The following NCOR2 variants were observed in gnomAD, a reference collection of about 807,000 sequenced individuals.
NCOR2 encodes the protein CTG repeat protein 26.
A neutral mutation model predicts 262.9 loss-of-function variants in NCOR2; 81 were observed. The observed-to-expected ratio is 0.31, with a 90% confidence interval of 0.26 to 0.37. The LOEUF (loss-of-function observed/expected upper bound fraction) is 0.37. Ranked by LOEUF, NCOR2 falls within the 10% of genes least tolerant of loss-of-function variation. The pLI, the probability that NCOR2 is intolerant of heterozygous loss-of-function variation, is 1.00. For missense variants in NCOR2, 3,385 were observed against 3,621.4 expected, an observed-to-expected ratio of 0.93 and a Z score of 1.68; for synonymous variants, 1,659 against 1,559.3, an observed-to-expected ratio of 1.06 and a Z score of -1.51.
At chr12:124,433,490 C>G (rs951394805) in intron 8 of NCOR2, among the ~76,000 whole-genome samples, 11 of 152,216 alleles carry the variant, frequency 7.2e-5, no homozygotes, top group Non-Finnish European at 1.2e-4. Flanking sequence ...GGCAAGACGG[C>G]CCGGCTCTAG....
chr12:124,523,955 T>C lies in NCOR2; in HGVS notation c.-118+11610A>G, dbSNP rs528381004. 6.6e-6 allele frequency among the ~76,000 whole-genome samples: 1 copy of C among 152,288 alleles called. No individual in the cohort carries two copies. Among genetic ancestry groups the C allele is most frequent in the African/African-American group, 2.4e-5 (1 of 41,560 alleles). On this transcript the variant is annotated intron_variant, in intron 1 of 46. Transcript: ENST00000404621. This position sits in a 1 kb window ranked among gnomAD's most constrained non-coding sequence, Gnocchi z 4.0. The stretch of plus-strand genomic sequence containing the variant: ...AGAATGTCAGGCCCCACTGGAGACA[T>C]GGTATTGTTCTCTGAGAAACTGCTG...
intron 4 of NCOR2, among the ~76,000 whole-genome samples, chr12:124,471,457 C>G (rs2046830308): frequency 6.6e-6 from 1 of 152,226 alleles, no homozygotes; most frequent in Admixed American, 6.5e-5. Context: ...CCATGCTGCT[C>G]AGAACACAGC....
At chr12:124,487,377 G>A (rs1298246044) in intron 1 of NCOR2, among the ~76,000 whole-genome samples, 1 of 152,246 alleles carries the variant, frequency 6.6e-6, no homozygotes, top group Non-Finnish European at 1.5e-5. Context: ...ACAGCCAGAA[G>A]GGTAAGCCTT....
intron 1 of NCOR2, among the ~76,000 whole-genome samples, chr12:124,516,397 G>C (rs894580207): frequency 2.6e-5 from 4 of 152,194 alleles, no homozygotes; most frequent in African/African-American, 9.7e-5. Flanking sequence ...GGAGACCTGG[G>C]GATCCCAAAC....
chr12:124,398,229 C>T (rs1213725978), intron 15 of NCOR2, 48 bp from the exon 18 acceptor site: 2 of 1,598,234 alleles, frequency 1.3e-6, no homozygotes, highest in South Asian at 2.2e-5. Flanking sequence ...AGAGGAGGCA[C>T]TTTGCCTTCT....
rs2137191786 is a variant in NCOR2 at position 124,535,555 on chromosome 12, A to G, written c.-118+10T>C. The G allele has an allele frequency of 6.6e-6, 1 of 152,370 alleles. No homozygotes were observed. The highest frequency in any genetic ancestry group is 1.5e-5 in the Non-Finnish European group (1 of 68,030). 9.4% of individuals were successfully genotyped at this position (152,370 alleles called of 1,614,324 possible). A position where few individuals can be genotyped will look rare whatever the true frequency, so the allele number is the denominator to read the frequency against. ...CTGGGGACACCAAGTGGAGACAGAC[A>G]TGAACCTACCAGAAACTGCCTCCAG... On this transcript the variant is annotated intron_variant, in intron 1 of 46. Coordinates refer to the NCOR2 transcript ENST00000404621.
intron 24 of NCOR2, 155 bp downstream of exon 26, chr12:124,355,277 G>T: frequency 1.1e-6 from 1 of 890,380 alleles, no homozygotes; most frequent in Non-Finnish European, 1.7e-6. Flanking sequence ...CTGAGTGCCT[G>T]GGGCAGGACC....
At position 124,565,170 on chromosome 12, in the gene NCOR2, G is replaced by A. The variant is rs866361767; in HGVS notation, c.-165+2138C>T. 5.3e-5 allele frequency among the ~76,000 whole-genome samples: 8 copies of A among 152,138 alleles called. No individual in the cohort carries two copies. The South Asian group carries it at 6.2e-4, about 12-fold the overall frequency. On this transcript the variant is annotated intron_variant, in intron 1 of 32. Coordinates refer to the NCOR2 transcript ENST00000458234. ...CTGACAGCCACATTACCATTTACATGGATTTATCAATAGTATTGATCCCCA... is the reference window on the plus strand; with the variant it reads ...CTGACAGCCACATTACCATTTACATAGATTTATCAATAGTATTGATCCCCA...
chr12:124,458,874 C>T (rs530257525), intron 5 of NCOR2, among the ~76,000 whole-genome samples: 68 of 152,258 alleles, frequency 4.5e-4, no homozygotes, highest in Non-Finnish European at 7.6e-4. Flanking sequence ...AGGAAAGAGT[C>T]TGCCCTGGGG....
At chr12:124,405,386 G>C (rs1299720275) in intron 13 of NCOR2, among the ~76,000 whole-genome samples, 2 of 152,182 alleles carry the variant, frequency 1.3e-5, no homozygotes, top group African/African-American at 4.8e-5. Flanking sequence ...TCACCCTCTG[G>C]TTGGAGTGGG....
chr12:124,433,130 C>G (rs909070512), intron 8 of NCOR2, among the ~76,000 whole-genome samples: 4 of 152,212 alleles, frequency 2.6e-5, no homozygotes, highest in African/African-American at 9.7e-5. Flanking sequence ...ACGGTCCCCA[C>G]GAGGTGGCCA....
intron 6 of NCOR2, among the ~76,000 whole-genome samples, chr12:124,455,337 C>T (rs963311802): frequency 1.3e-5 from 2 of 152,360 alleles, no homozygotes; most frequent in South Asian, 2.1e-4. Context: ...GAGAGAAGCA[C>T]GACCCTAGGC....
intron 27 of NCOR2, among the ~76,000 whole-genome samples, chr12:124,351,964 C>G (rs1219964188): frequency 6.6e-6 from 1 of 152,200 alleles, no homozygotes; most frequent in Non-Finnish European, 1.5e-5. Context: ...AGGGCAGCAC[C>G]TGGTACCCCG....
chr12:124,484,556 C>G (rs141062093), intron 2 of NCOR2, among the ~76,000 whole-genome samples: 1 of 152,330 alleles, frequency 6.6e-6, no homozygotes, highest in Non-Finnish European at 1.5e-5. Flanking sequence ...CACAGCTGTT[C>G]CCCTCCTGCA....
In NCOR2 at chr12:124,531,197, C is replaced by G. The variant is rs1464133059; in HGVS notation, c.-118+4368G>C. Among the ~76,000 whole-genome samples, 1 of 152,138 alleles carries G rather than the reference C, an allele frequency of 6.6e-6. No homozygotes were observed. The highest frequency in any genetic ancestry group is 1.5e-5 in the Non-Finnish European group (1 of 68,028). On this transcript the variant is annotated intron_variant, in intron 1 of 46. Transcript: ENST00000404621. The surrounding 1 kb of genome is among the most constrained non-coding windows in gnomAD (Gnocchi z 4.5). The stretch of plus-strand genomic sequence containing the variant: ...CCACCAACTCATGCTGAACAACAGT[C>G]CAGCCAGAGCCCACCCGTTTATGAA...
chr12:124,363,634 CA>C, intron 21 of NCOR2, 44 bp downstream of exon 23: 1 of 1,320,830 alleles, frequency 7.6e-7, no homozygotes, highest in East Asian at 2.8e-5. Context: ...ATGGGAAAGT[CA>C]AGGTCAGGGT....
chr12:124,472,942 C>A lies in NCOR2; in HGVS notation c.591+10G>T. The A allele has an allele frequency of 6.8e-6, 11 of 1,613,804 alleles. No individual in the cohort carries two copies. The highest frequency in any genetic ancestry group is 9.3e-6 in the Non-Finnish European group (11 of 1,179,730). ...GAACAAACACTCCCCCTCCCCCTGCCCATTCACACCTGCTTCTTCTTCAGC... is the reference window on the plus strand; with the variant it reads ...GAACAAACACTCCCCCTCCCCCTGCACATTCACACCTGCTTCTTCTTCAGC... On this transcript the variant is annotated intron_variant, in intron 4 of 46. Transcript: ENST00000405201.
At chr12:124,478,041 G>A (rs987631244) in intron 3 of NCOR2, among the ~76,000 whole-genome samples, 1 of 152,244 alleles carries the variant, frequency 6.6e-6, no homozygotes, top group African/African-American at 2.4e-5. Flanking sequence ...ACAGGCATGG[G>A]CCCACTCATG....
intron 44 of NCOR2, 87 bp downstream of exon 46, chr12:124,330,758 C>T: frequency 1.4e-6 from 2 of 1,441,616 alleles, no homozygotes; most frequent in South Asian, 2.5e-5. Flanking sequence ...AGCGAAGGCT[C>T]CTCGTCCCTT....
Sources: gnomAD v4.1 joint callset for allele counts (sites outside exome capture counted in the v4.1 genomes callset) on GRCh38, gnomAD v4.1.1 for gene constraint, Gnocchi (gnomAD v3.1) non-coding constraint, MANE v1.5 for transcripts, NCBI Gene and HGNC (gene_info 2026-07-23, HGNC 2026-07-21) for gene names.